The following MACROD2 variants were observed in gnomAD, a reference collection of about 807,000 sequenced individuals.
MACROD2 encodes ADP-ribose glycohydrolase MACROD2.
MACROD2 carries 36 observed loss-of-function variants against 70.4 expected under a neutral mutation model. The observed-to-expected ratio is 0.51, with a 90% CI of 0.39 to 0.68. The LOEUF is 0.68. Among genes scored for constraint, MACROD2 ranks in the 30% least tolerant of loss-of-function variants. MACROD2 has a pLI of 0.00. For missense variants in MACROD2, 496 were observed against 538.4 expected, an observed-to-expected ratio of 0.92 and a Z score of 0.78; for synonymous variants, 172 against 178.8, an observed-to-expected ratio of 0.96 and a Z score of 0.30.
chr20:15,596,928 A>T (rs1600647399), intron 8 of MACROD2, among the ~76,000 whole-genome samples: 3 of 152,316 alleles, frequency 2.0e-5, no homozygotes, highest in African/African-American at 7.2e-5. Flanking sequence ...AGGATGTTAA[A>T]ATGTGGCTCT....
Position 14,252,472 on chromosome 20 carries a change from T to G in MACROD2, c.271+166744T>G, listed in dbSNP as rs1020974953. On this transcript the variant is annotated intron_variant, in intron 3 of 17. Coordinates refer to ENST00000684519, the MANE Select transcript of MACROD2 (RefSeq NM_001351661.2). ...TTAAAATCTACTGATTTTTTTCTAT[T>G]TATTCTATGTATCCCTACTTTAATA... Among the ~76,000 whole-genome samples the G allele has an allele frequency of 2.0e-5, 3 of 152,154 alleles. No individual in the cohort carries two copies. The East Asian group carries it at 5.8e-4, about 29-fold the overall frequency.
intron 8 of MACROD2, among the ~76,000 whole-genome samples, chr20:15,666,321 T>C (rs2049897029): frequency 2.0e-5 from 3 of 152,238 alleles, no homozygotes; most frequent in African/African-American, 7.2e-5. Context: ...AATTAAGTTA[T>C]CTCTTCCATC....
At chr20:14,399,802 CTGT>C (rs1286869648) in intron 3 of MACROD2, among the ~76,000 whole-genome samples, 1 of 152,038 alleles carries the variant, frequency 6.6e-6, no homozygotes, top group Admixed American at 6.6e-5. Context: ...TGGATAGTTT[CTGT>C]TGTTGTGTTT....
intron 6 of MACROD2, among the ~76,000 whole-genome samples, chr20:15,243,955 G>C: frequency 6.6e-6 from 1 of 151,758 alleles, no homozygotes; most frequent in South Asian, 2.1e-4. Flanking sequence ...AAAATTTTGT[G>C]AGCTGATTAT....
chr20:15,426,329 C>T (rs950034447), intron 6 of MACROD2, among the ~76,000 whole-genome samples: 13 of 151,740 alleles, frequency 8.6e-5, no homozygotes, highest in African/African-American at 1.7e-4. Flanking sequence ...ATTCTCCACT[C>T]TTAAGTCAAA....
At chr20:14,954,813 T>G (rs1179909302) in intron 5 of MACROD2, among the ~76,000 whole-genome samples, 1 of 21,402 alleles carries the variant, frequency 4.7e-5, no homozygotes, top group African/African-American at 1.2e-4. Flanking sequence ...AAATTTTATA[T>G]AATATAAATT....
chr20:14,098,089 G>A (rs1307434109), intron 3 of MACROD2, among the ~76,000 whole-genome samples: 2 of 152,206 alleles, frequency 1.3e-5, no homozygotes, highest in African/African-American at 2.4e-5. Flanking sequence ...GAGATACAAA[G>A]TACTTCACAC....
chr20:14,864,504 G>A (rs375908194), intron 5 of MACROD2, among the ~76,000 whole-genome samples: 1 of 152,032 alleles, frequency 6.6e-6, no homozygotes, highest in African/African-American at 2.4e-5. Flanking sequence ...AATATCTTCT[G>A]AAGCCAGGCA....
At chr20:15,284,435 G>A (rs1411279056) in intron 6 of MACROD2, among the ~76,000 whole-genome samples, 2 of 152,132 alleles carry the variant, frequency 1.3e-5, no homozygotes, top group African/African-American at 2.4e-5. Flanking sequence ...ATCAATTCAG[G>A]TGAGGTTTAA....
intron 8 of MACROD2, among the ~76,000 whole-genome samples, chr20:15,855,591 A>G (rs1601001834): frequency 6.6e-6 from 1 of 152,156 alleles, no homozygotes; most frequent in East Asian, 1.9e-4. Flanking sequence ...AGCTTGATGA[A>G]TTTTCACAAA....
At chr20:14,977,635 A>T (rs1425472937) in intron 5 of MACROD2, among the ~76,000 whole-genome samples, 1 of 152,038 alleles carries the variant, frequency 6.6e-6, no homozygotes, top group African/African-American at 2.4e-5. Flanking sequence ...GGGTGTTATG[A>T]GAGTCAAAAG....
chr20:15,449,324 G>T (rs1401647087), intron 7 of MACROD2, among the ~76,000 whole-genome samples: 1 of 152,058 alleles, frequency 6.6e-6, no homozygotes, highest in East Asian at 1.9e-4. Context: ...TGTGACTAGA[G>T]CATCTGAACG....
intron 3 of MACROD2, among the ~76,000 whole-genome samples, chr20:14,298,052 T>TA (rs1274120753): frequency 1.3e-5 from 2 of 151,966 alleles, no homozygotes; most frequent in African/African-American, 4.8e-5. Context: ...CACATCTGTT[T>TA]ACAGCAGGTT....
chr20:15,264,022 A>G (rs2077271358), intron 6 of MACROD2, among the ~76,000 whole-genome samples: 1 of 152,060 alleles, frequency 6.6e-6, no homozygotes, highest in African/African-American at 2.4e-5. Context: ...CCCCATCAGG[A>G]CTTTTTAAAT....
intron 3 of MACROD2, chr20:14,127,992 C>G: frequency 1.9e-6 from 1 of 528,832 alleles, no homozygotes; most frequent in Non-Finnish European, 3.7e-6. Flanking sequence ...TGTCAGTGGT[C>G]TGGAGAATCA....
chr20:15,387,661 A>G (rs1006154664), intron 6 of MACROD2, among the ~76,000 whole-genome samples: 3 of 151,714 alleles, frequency 2.0e-5, no homozygotes, highest in African/African-American at 7.3e-5. Flanking sequence ...CAGACACCCC[A>G]CACTCAGACC....
At chr20:14,957,226 T>C (rs2074544973) in intron 5 of MACROD2, among the ~76,000 whole-genome samples, 1 of 152,162 alleles carries the variant, frequency 6.6e-6, no homozygotes, top group Non-Finnish European at 1.5e-5. Context: ...ATATGATCTA[T>C]ATATATGCCA....
chr20:14,547,908 G>T (rs186171024), intron 4 of MACROD2, among the ~76,000 whole-genome samples: 389 of 152,186 alleles, frequency 2.6e-3, no homozygotes, highest in Non-Finnish European at 5.0e-3. Context: ...GTGTGGACTT[G>T]GCATCACCAT....
At chr20:15,038,250 A>G (rs1337217092) in intron 5 of MACROD2, among the ~76,000 whole-genome samples, 1 of 152,198 alleles carries the variant, frequency 6.6e-6, no homozygotes, top group East Asian at 1.9e-4. Flanking sequence ...AACTGCATTT[A>G]TATCTCTGGA....
Sources: gnomAD v4.1 joint callset for allele counts (sites outside exome capture counted in the v4.1 genomes callset) on GRCh38, gnomAD v4.1.1 for gene constraint, MANE v1.5 for transcripts, NCBI Gene and HGNC (gene_info 2026-07-23, HGNC 2026-07-21) for gene names.